KLF12: variants seen among roughly 807,000 people sequenced by gnomAD.
The protein encoded by KLF12 is Krueppel-like factor 12.
In KLF12, 9 loss-of-function variants were observed where a neutral mutation model predicts 37.8. The observed-to-expected ratio is 0.24, with a 90% CI of 0.14 to 0.42. The LOEUF is 0.42. KLF12 is among the 10% of genes least tolerant of loss of function. The pLI is 1.00. For missense variants in KLF12, 411 were observed against 516.0 expected (o/e 0.80, Z 1.97); for synonymous variants, 208 against 202.1 (o/e 1.03, Z -0.25).
intron 1 of KLF12, among the ~76,000 whole-genome samples, chr13:74,125,428 G>A (rs1877889311): frequency 1.3e-5 from 2 of 152,004 alleles, no homozygotes; most frequent in South Asian, 4.1e-4. Context: ...GCTCACTAAC[G>A]ATACTGGATA....
chr13:73,733,752 T>C (rs541889382), intron 6 of KLF12, among the ~76,000 whole-genome samples: 1 of 152,316 alleles, frequency 6.6e-6, no homozygotes, highest in African/African-American at 2.4e-5. Context: ...TGTGCATGGC[T>C]GCTGCACCCT....
At chr13:74,139,309 AAT>A in the KLF12 span, among the ~76,000 whole-genome samples, 1 of 152,326 alleles carries the variant, frequency 6.6e-6, no homozygotes, top group South Asian at 2.1e-4. Flanking sequence ...GCTGTACTTT[AAT>A]CACCTATTTA....
chr13:74,135,707 CG>C (rs1295252767), upstream of KLF12, among the ~76,000 whole-genome samples: 1 of 152,036 alleles, frequency 6.6e-6, no homozygotes, highest in Admixed American at 6.5e-5. Context: ...CCCGCGCCCC[CG>C]GCCCGGCCCG....
chr13:73,716,654 T>C (rs986367322), intron 6 of KLF12, among the ~76,000 whole-genome samples: 6 of 152,172 alleles, frequency 3.9e-5, no homozygotes, highest in Non-Finnish European at 1.5e-5. Flanking sequence ...CCTATACAAA[T>C]CTGCATTTAC....
intron 5 of KLF12, among the ~76,000 whole-genome samples, chr13:73,789,999 TC>T (rs1881589925): frequency 6.6e-6 from 1 of 152,156 alleles, no homozygotes; most frequent in African/African-American, 2.4e-5. Context: ...AATTCTAGGT[TC>T]CTCATCTCTG....
chr13:73,926,982 A>T (rs1889419335), intron 3 of KLF12, among the ~76,000 whole-genome samples: 1 of 152,154 alleles, frequency 6.6e-6, no homozygotes, highest in African/African-American at 2.4e-5. Flanking sequence ...TTCTTCCCAA[A>T]GTGTTAACAT....
intron 3 of KLF12, among the ~76,000 whole-genome samples, chr13:73,855,810 T>C (rs1349966575): frequency 2.7e-5 from 4 of 147,246 alleles, no homozygotes; most frequent in South Asian, 4.4e-4. Context: ...TGGCATCTCA[T>C]TGTGATATGG....
chr13:74,100,141 A>G (rs1240175748), intron 1 of KLF12, among the ~76,000 whole-genome samples: 1 of 152,192 alleles, frequency 6.6e-6, no homozygotes, highest in African/African-American at 2.4e-5. Flanking sequence ...AGATGGTAAC[A>G]GGCAGATGAG....
intron 3 of KLF12, among the ~76,000 whole-genome samples, chr13:73,862,299 T>C (rs192966061): frequency 1.6e-4 from 24 of 152,320 alleles, no homozygotes; most frequent in African/African-American, 5.5e-4. Flanking sequence ...CATTACAGTG[T>C]ATTGTTTATT....
intron 2 of KLF12, among the ~76,000 whole-genome samples, chr13:73,951,600 C>G (rs537811968): frequency 6.6e-6 from 1 of 152,116 alleles, no homozygotes; most frequent in Admixed American, 6.5e-5. Flanking sequence ...CCAAGTACCA[C>G]GGCTGAGGTG....
intron 3 of KLF12, among the ~76,000 whole-genome samples, chr13:73,858,681 T>C (rs1486105487): frequency 6.6e-6 from 1 of 152,218 alleles, no homozygotes; most frequent in Non-Finnish European, 1.5e-5. Flanking sequence ...TTTTAACCCT[T>C]GCTCTGGTAA....
chr13:74,171,694 A>G, the KLF12 span, among the ~76,000 whole-genome samples: 2 of 152,208 alleles, frequency 1.3e-5, no homozygotes, highest in Non-Finnish European at 2.9e-5. Context: ...AATGGAATGG[A>G]AAGAAAATTG....
chr13:74,123,037 G>C (rs1401531533), intron 1 of KLF12, among the ~76,000 whole-genome samples: 3 of 145,530 alleles, frequency 2.1e-5, no homozygotes, highest in Non-Finnish European at 4.5e-5. Context: ...TAATATATTT[G>C]TAAACAATGC....
intron 1 of KLF12, among the ~76,000 whole-genome samples, chr13:73,996,927 A>C (rs1015121365): frequency 6.6e-6 from 1 of 152,124 alleles, no homozygotes. Flanking sequence ...TTTTATAACC[A>C]AGGAAAAAGT....
At chr13:74,137,975 G>A (rs555102424), upstream of KLF12, among the ~76,000 whole-genome samples, 3 of 152,306 alleles carry the variant, frequency 2.0e-5, no homozygotes, top group East Asian at 5.8e-4. Flanking sequence ...TGGTCAGGCT[G>A]GTCTTGAACT....
chr13:74,022,392 T>G (rs930946976), intron 1 of KLF12, among the ~76,000 whole-genome samples: 1 of 150,210 alleles, frequency 6.7e-6, no homozygotes, highest in African/African-American at 2.5e-5. Context: ...TACACACACA[T>G]TAAGTCCCCT....
intron 4 of KLF12, among the ~76,000 whole-genome samples, chr13:73,839,052 TG>T (rs1198551573): frequency 6.6e-6 from 1 of 151,986 alleles, no homozygotes; most frequent in Non-Finnish European, 1.5e-5. Context: ...TGCGTCCTTT[TG>T]TTTTTTTCTC....
the KLF12 span, among the ~76,000 whole-genome samples, chr13:74,274,214 C>T: frequency 6.6e-6 from 1 of 152,114 alleles, no homozygotes; most frequent in African/African-American, 2.4e-5. Flanking sequence ...AAGCCCACTA[C>T]TTCCTCTCCT....
At chr13:73,797,370 T>A (rs1436102948) in intron 5 of KLF12, among the ~76,000 whole-genome samples, 1 of 152,212 alleles carries the variant, frequency 6.6e-6, no homozygotes, top group East Asian at 1.9e-4. Flanking sequence ...TCTTTCTTCA[T>A]CTTATTCTTT....
Sources: allele counts gnomAD v4.1 joint callset (sites outside exome capture counted in the v4.1 genomes callset), GRCh38; gene constraint gnomAD v4.1.1; transcripts MANE v1.5; gene names NCBI Gene and HGNC (gene_info 2026-07-23, HGNC 2026-07-21).